BCAS3: variants seen among roughly 807,000 people sequenced by gnomAD.
BCAS3 encodes BCAS4/BCAS3 fusion.
A neutral mutation model predicts 116.1 loss-of-function variants in BCAS3; 53 were observed. The ratio of observed to expected loss-of-function variants is 0.46; its 90% CI spans 0.37 to 0.57. The LOEUF is 0.57. Ranked by LOEUF, BCAS3 falls within the 20% of genes least tolerant of loss-of-function variation. The pLI, the probability that BCAS3 is intolerant of heterozygous loss-of-function variation, is 0.00. For missense variants in BCAS3, 917 were observed against 1,165.4 expected (o/e 0.79, Z 3.10); for synonymous variants, 391 against 408.2 (o/e 0.96, Z 0.51).
At chr17:60,727,216 A>G in intron 5 of BCAS3, 2 of 935,538 alleles carry the variant, frequency 2.1e-6, no homozygotes, top group South Asian at 2.6e-5. Context: ...CCGGTTCAAA[A>G]TGCTTACATC....
chr17:60,891,099 A>G (rs568656393), intron 10 of BCAS3, among the ~76,000 whole-genome samples: 39 of 152,212 alleles, frequency 2.6e-4, no homozygotes, highest in Admixed American at 6.5e-4. Flanking sequence ...GCTCTTTCAA[A>G]TTATTCTTTT....
At chr17:60,899,332 G>A (rs1001178475) in intron 10 of BCAS3, among the ~76,000 whole-genome samples, 2 of 152,090 alleles carry the variant, frequency 1.3e-5, no homozygotes, top group Non-Finnish European at 2.9e-5. Context: ...TGCCCAGCTC[G>A]CAACCAAGTC....
At position 61,352,891 on chromosome 17, in the gene BCAS3, C is replaced by G. The variant is rs896831396; in HGVS notation, c.2426-15436C>G. On this transcript the variant is annotated intron_variant, in intron 22 of 23. Coordinates refer to ENST00000407086, the MANE Select transcript of BCAS3 (RefSeq NM_017679.5). The surrounding 1 kb of genome is among the most constrained non-coding windows in gnomAD (Gnocchi z 4.7). The stretch of plus-strand genomic sequence containing the variant: ...TCCTGCTCGGCTCCTAGGCTGCTAG[C>G]GGGAGGTATGAATTTCTCTTGTTTG... Among the ~76,000 whole-genome samples the G allele has an allele frequency of 2.6e-5, 4 of 152,188 alleles. No individual in the cohort carries two copies. Among genetic ancestry groups the G allele is most frequent in the African/African-American group, 7.2e-5 (3 of 41,450 alleles).
intron 6 of BCAS3, among the ~76,000 whole-genome samples, chr17:60,749,782 T>C (rs137994875): frequency 1.3e-5 from 2 of 152,304 alleles, no homozygotes; most frequent in East Asian, 3.9e-4. Flanking sequence ...TACAAATAAG[T>C]AGCAAATAGA....
chr17:61,308,770 G>A (rs919632128), intron 22 of BCAS3, among the ~76,000 whole-genome samples: 1 of 152,038 alleles, frequency 6.6e-6, no homozygotes, highest in African/African-American at 2.4e-5. Flanking sequence ...TACTAAGTCT[G>A]TTTTCTATCA....
At chr17:60,751,054 T>C (rs117513377) in intron 6 of BCAS3, among the ~76,000 whole-genome samples, 2,093 of 152,296 alleles carry the variant, frequency 0.014, 23 homozygotes, top group Non-Finnish European at 0.021. Flanking sequence ...GAAGAAAAAG[T>C]GAATCCCCTT....
At chr17:60,719,038 G>A (rs1378271844) in intron 5 of BCAS3, among the ~76,000 whole-genome samples, 1 of 152,084 alleles carries the variant, frequency 6.6e-6, no homozygotes, top group Non-Finnish European at 1.5e-5. Context: ...CTCCAGCCTG[G>A]GCGACAGAGC....
intron 22 of BCAS3, among the ~76,000 whole-genome samples, chr17:61,296,358 GC>G (rs1347639720): frequency 6.6e-6 from 1 of 152,164 alleles, no homozygotes; most frequent in Non-Finnish European, 1.5e-5. Context: ...GGTCCCAAAG[GC>G]CCATCCAGTG....
Position 61,229,169 on chromosome 17 carries a change from G to A in BCAS3, c.2426-139158G>A, listed in dbSNP as rs558905515. Among the ~76,000 whole-genome samples, 7 of 152,274 alleles carry A rather than the reference G, an allele frequency of 4.6e-5. No homozygotes were observed. Among genetic ancestry groups the A allele is most frequent in the South Asian group, 2.1e-4 (1 of 4,814 alleles). ...GCTGGGATTACTGATGTGAGCCACCGCACCTGGCCACCACCACATTCCTTT... is the reference window on the plus strand; with the variant it reads ...GCTGGGATTACTGATGTGAGCCACCACACCTGGCCACCACCACATTCCTTT... On this transcript the variant is annotated intron_variant, in intron 22 of 23. Transcript: ENST00000407086. The surrounding 1 kb of genome is among the most constrained non-coding windows in gnomAD (Gnocchi z 4.4).
In BCAS3 at chr17:60,705,724, C is replaced by T. The variant is rs375681822; in HGVS notation, c.215-3495C>T. ...GGAAGAAGATGTAGAGGAAACAGTG[C>T]CAGAAGACTGATGTTAGACAGTCTG... On this transcript the variant is annotated intron_variant, in intron 4 of 23. Coordinates refer to ENST00000407086, the MANE Select transcript of BCAS3 (RefSeq NM_017679.5). 6.6e-5 allele frequency among the ~76,000 whole-genome samples: 10 copies of T among 152,184 alleles called. No homozygotes were observed. In the South Asian group the frequency reaches 8.3e-4, roughly 13 times the overall value.
chr17:61,177,139 T>G (rs762544285), intron 22 of BCAS3, among the ~76,000 whole-genome samples: 3 of 152,236 alleles, frequency 2.0e-5, no homozygotes, highest in Admixed American at 2.0e-4. Context: ...GGAAAACTCC[T>G]TGCTAGTTTC....
rs1261908012 is a variant in BCAS3 at position 61,379,075 on chromosome 17, C to G, written c.2593+10581C>G. 6.6e-6 allele frequency: 1 copy of G among 152,348 alleles called. No homozygotes were observed. Among genetic ancestry groups the G allele is most frequent in the Non-Finnish European group, 1.5e-5 (1 of 68,144 alleles). The allele number at this position is 152,348 out of a possible 1,614,324, so 9.4% of individuals were successfully genotyped here. ...TACTGTGGATAGGCACAGGCTTGGA[C>G]TGAGGGGCTGGGGGAGGGCTGTTGG... On this transcript the variant is annotated intron_variant, in intron 23 of 23. Transcript: ENST00000407086. This position sits in a 1 kb window ranked among gnomAD's most constrained non-coding sequence, Gnocchi z 5.5.
At chr17:60,829,018 A>G (rs1568337910) in intron 7 of BCAS3, among the ~76,000 whole-genome samples, 1 of 152,174 alleles carries the variant, frequency 6.6e-6, no homozygotes, top group East Asian at 1.9e-4. Context: ...CTTAACAGCA[A>G]AGAATTATCT....
At position 61,243,701 on chromosome 17, in the gene BCAS3, A is replaced by T. The variant is rs1214285406; in HGVS notation, c.2426-124626A>T. 6.6e-6 allele frequency among the ~76,000 whole-genome samples: 1 copy of T among 152,220 alleles called. No individual in the cohort carries two copies. The highest frequency in any genetic ancestry group is 1.5e-5 in the Non-Finnish European group (1 of 68,024). The stretch of plus-strand genomic sequence containing the variant: ...TTCATGTAGCACAGTTCCCTGCCAG[A>T]AATATCCATCATGGACGAAGTGACT... On this transcript the variant is annotated intron_variant, in intron 22 of 23. Transcript: ENST00000407086. The surrounding 1 kb of genome is among the most constrained non-coding windows in gnomAD (Gnocchi z 5.6).
intron 6 of BCAS3, among the ~76,000 whole-genome samples, chr17:60,789,090 C>T (rs1035825071): frequency 3.9e-5 from 6 of 152,102 alleles, no homozygotes; most frequent in African/African-American, 1.4e-4. Context: ...TCAATGGAAT[C>T]CTTCTAGAAA....
chr17:60,846,278 T>C (rs2052527743), intron 7 of BCAS3, among the ~76,000 whole-genome samples: 1 of 152,148 alleles, frequency 6.6e-6, no homozygotes, highest in Non-Finnish European at 1.5e-5. Flanking sequence ...GGTATATTAC[T>C]TATGTCAAAA....
chr17:61,285,547 G>A lies in BCAS3; in HGVS notation c.2426-82780G>A, dbSNP rs1034326611. 6.6e-6 allele frequency among the ~76,000 whole-genome samples: 1 copy of A among 152,170 alleles called. No individual in the cohort carries two copies. Among genetic ancestry groups the A allele is most frequent in the African/African-American group, 2.4e-5 (1 of 41,444 alleles). On this transcript the variant is annotated intron_variant, in intron 22 of 23. Transcript: ENST00000407086. The surrounding 1 kb of genome is among the most constrained non-coding windows in gnomAD (Gnocchi z 5.4). ...ACTCCTCTAATTAAGCAGAATTAAG[G>A]TCTGGGCTCAAAACTGTCTTGAGCT...
At chr17:61,341,413 G>A (rs1024000271) in intron 22 of BCAS3, among the ~76,000 whole-genome samples, 10 of 152,134 alleles carry the variant, frequency 6.6e-5, no homozygotes, top group African/African-American at 1.9e-4. Flanking sequence ...CAGAGAGAGT[G>A]AGCGTATGGA....
rs1429156594 is a variant in BCAS3, at chr17:60,799,735, T to TTTTA, written c.404-8269_404-8268insTTTA. 2.3e-4 allele frequency among the ~76,000 whole-genome samples: 23 copies of TTTTA among 100,566 alleles called. 1 individual carries two copies. Among genetic ancestry groups the TTTTA allele is most frequent in the African/African-American group, 8.0e-4 (23 of 28,790 alleles). The allele number at this position is 100,566 out of a possible 152,430, so 66.0% of individuals were successfully genotyped here. A position where few individuals can be genotyped will look rare whatever the true frequency, so the allele number is the denominator to read the frequency against. Reference sequence around the variant, plus strand: ...TTTTTTTTTTTTTTTTTTTTTTTTTTAGTAGAACTGGGGTTTCACCATGTT... The same window carrying TTTTA: ...TTTTTTTTTTTTTTTTTTTTTTTTTTTTTAAGTAGAACTGGGGTTTCACCATGTT... On this transcript the variant is annotated intron_variant, in intron 6 of 23. Coordinates refer to ENST00000407086, the MANE Select transcript of BCAS3 (RefSeq NM_017679.5).
Sources: allele counts gnomAD v4.1 joint callset (sites outside exome capture counted in the v4.1 genomes callset), GRCh38; gene constraint gnomAD v4.1.1; non-coding constraint Gnocchi (gnomAD v3.1); transcripts MANE v1.5; gene names NCBI Gene and HGNC (gene_info 2026-07-23, HGNC 2026-07-21).